RNASEH1: variants seen among roughly 807,000 people sequenced by gnomAD.
The protein encoded by RNASEH1 is ribonuclease H type II.
Under a neutral mutation model 34.6 loss-of-function variants are expected in RNASEH1, and 27 were observed. That is an observed-to-expected ratio of 0.78 (90% CI 0.58 to 1.08). The LOEUF is 1.08. RNASEH1 is among the 50% of genes least tolerant of loss of function. The pLI is 0.00. For missense variants in RNASEH1, 349 were observed against 373.6 expected, an observed-to-expected ratio of 0.93 and a Z score of 0.54; for synonymous variants, 162 against 138.4, an observed-to-expected ratio of 1.17 and a Z score of -1.20.
chr2:3,555,087 G>T (rs1572333941), intron 2 of RNASEH1, among the ~76,000 whole-genome samples: 1 of 152,228 alleles, frequency 6.6e-6, no homozygotes, highest in South Asian at 2.1e-4. Flanking sequence ...AGACTTATAG[G>T]AGGAGCATCA....
chr2:3,548,200 T>C, intron 6 of RNASEH1, 145 bp from the exon 7 acceptor site: 1 of 922,150 alleles, frequency 1.1e-6, no homozygotes, highest in Non-Finnish European at 1.7e-6. Context: ...CTTAGTTGCT[T>C]TGGCCTTTGG....
Position 3,544,367 on chromosome 2 carries a change from G to A in RNASEH1, c.*1418C>T, listed in dbSNP as rs1668552445. On this transcript the variant is annotated 3_prime_UTR_variant, in exon 8 of 8. Transcript: ENST00000315212. ...GTGGTCAGCAAAATCTACACTGTGG[G>A]AAGCCATGGGACAAACAGCCCAGGC... Among the ~76,000 whole-genome samples the A allele has an allele frequency of 6.6e-6, 1 of 152,164 alleles. No homozygotes were observed. The highest frequency in any genetic ancestry group is 2.4e-5 in the African/African-American group (1 of 41,422).
chr2:3,534,751 G>A, the RNASEH1 span, among the ~76,000 whole-genome samples: 1 of 152,248 alleles, frequency 6.6e-6, no homozygotes, highest in Non-Finnish European at 1.5e-5. Flanking sequence ...CAGCGGCCAT[G>A]GAGGTCTCCG....
At position 3,543,232 on chromosome 2, in the gene RNASEH1, G is replaced by A. The variant is rs1378107278; in HGVS notation, c.*2553C>T. Among the ~76,000 whole-genome samples the A allele has an allele frequency of 3.9e-5, 6 of 152,128 alleles. No individual in the cohort carries two copies. The East Asian group carries it at 9.6e-4, about 24-fold the overall frequency. On this transcript the variant is annotated 3_prime_UTR_variant, in exon 8 of 8. Coordinates refer to ENST00000315212, the MANE Select transcript of RNASEH1 (RefSeq NM_002936.6). ...TGTACATGTGTCTTTCCCTTCCTGT[G>A]GCTATAAATAAATACAGCCTGCACA...
chr2:3,540,223 G>A (rs1018903867), downstream of RNASEH1, among the ~76,000 whole-genome samples: 9 of 152,132 alleles, frequency 5.9e-5, no homozygotes, highest in African/African-American at 2.2e-4. Flanking sequence ...AGCTGATGAA[G>A]ATGCAATTAT....
chr2:3,547,519 A>T lies in RNASEH1; in HGVS notation c.774+412T>A, dbSNP rs148150926. On this transcript the variant is annotated intron_variant, in intron 7 of 7. Coordinates refer to ENST00000315212, the MANE Select transcript of RNASEH1 (RefSeq NM_002936.6). ...TTTTGAGACGGGGTCTTGGAGTCTC[A>T]TATCGTTGCTCAGGCTGGAGTGCAG... 7.4e-4 allele frequency among the ~76,000 whole-genome samples: 110 copies of T among 148,948 alleles called. 2 individuals are homozygous for T. The highest frequency in any genetic ancestry group is 5.5e-3 in the Admixed American group (81 of 14,858).
At position 3,541,911 on chromosome 2, in the gene RNASEH1, G is replaced by C. The variant is rs568323123; in HGVS notation, c.*3874C>G. Among the ~76,000 whole-genome samples, 1 of 152,212 alleles carries C rather than the reference G, an allele frequency of 6.6e-6. No homozygotes were observed. Among genetic ancestry groups the C allele is most frequent in the African/African-American group, 2.4e-5 (1 of 41,446 alleles). On this transcript the variant is annotated 3_prime_UTR_variant, in exon 8 of 8. Coordinates refer to ENST00000315212, the MANE Select transcript of RNASEH1 (RefSeq NM_002936.6). ...CTCACACCTGTAATCCCAGCACTTT[G>C]GGAGGCCAAGGAAGGAGGATCGCTT...
chr2:3,536,574 GC>G (rs1667999663), downstream of RNASEH1: 2 of 152,384 alleles, frequency 1.3e-5, no homozygotes, highest in African/African-American at 4.8e-5. Context: ...CTGCTCCGGG[GC>G]TGTCAGCTCC....
At chr2:3,557,093 T>C (rs1391770061) in intron 1 of RNASEH1, among the ~76,000 whole-genome samples, 189 bp from the exon 2 acceptor site, 2 of 152,246 alleles carry the variant, frequency 1.3e-5, no homozygotes, top group African/African-American at 2.4e-5. Context: ...AATGGTGTAT[T>C]TGCAAATAAC....
Position 3,557,812 on chromosome 2 carries a change from C to A in RNASEH1, c.128+321G>T, listed in dbSNP as rs1013467224. ...AGTCTTCTGGTAACGGGGGTTCGTT[C>A]TGATTACGTGTCACTTTTTGTTGCA... On this transcript the variant is annotated intron_variant, in intron 1 of 7. Transcript: ENST00000315212. The A allele has an allele frequency of 5.6e-5, 69 of 1,231,400 alleles. 1 individual carries two copies. Among genetic ancestry groups the A allele is most frequent in the Non-Finnish European group, 6.8e-5 (62 of 907,082 alleles). 76.3% of individuals were successfully genotyped at this position (1,231,400 alleles called of 1,614,324 possible).
At chr2:3,556,155 CAG>C (rs1218703124) in intron 2 of RNASEH1, among the ~76,000 whole-genome samples, 2 of 151,532 alleles carry the variant, frequency 1.3e-5, no homozygotes, top group Non-Finnish European at 2.9e-5. Flanking sequence ...GCCTGCGCAA[CAG>C]AGACTCTGTC....
At chr2:3,536,497 T>G (rs1047928009), downstream of RNASEH1, among the ~76,000 whole-genome samples, 1 of 152,196 alleles carries the variant, frequency 6.6e-6, no homozygotes, top group East Asian at 1.9e-4. Flanking sequence ...CTGCTGAGCC[T>G]GCTTGGGGAA....
At chr2:3,540,850 T>C (rs1221352380), downstream of RNASEH1, among the ~76,000 whole-genome samples, 1 of 152,174 alleles carries the variant, frequency 6.6e-6, no homozygotes, top group Non-Finnish European at 1.5e-5. Context: ...AGCATGCTTT[T>C]TGAATCTTCT....
intron 7 of RNASEH1, among the ~76,000 whole-genome samples, chr2:3,546,137 T>C (rs1558448309): frequency 6.6e-6 from 1 of 152,256 alleles, no homozygotes; most frequent in African/African-American, 2.4e-5. Context: ...CACTTATCAA[T>C]GGGACTTGAT....
Position 3,545,669 on chromosome 2 carries a change from G to A in RNASEH1, c.*116C>T. The A allele has an allele frequency of 1.4e-6, 1 of 715,934 alleles. No homozygotes were observed. The highest frequency in any genetic ancestry group is 1.5e-5 in the South Asian group (1 of 66,432). 44.3% of individuals were successfully genotyped at this position (715,934 alleles called of 1,614,324 possible). A position where few individuals can be genotyped will look rare whatever the true frequency, so the allele number is the denominator to read the frequency against. On this transcript the variant is annotated 3_prime_UTR_variant, in exon 8 of 8. Transcript: ENST00000315212. ...CCACTGTGCCTGATTCCGTGTGAAA[G>A]ACGCATCTGCCCATCACTGCAATGG...
chr2:3,557,721 G>A (rs1660654339), intron 1 of RNASEH1: 5 of 506,438 alleles, frequency 9.9e-6, no homozygotes, highest in South Asian at 6.3e-5. Flanking sequence ...TGGCTTATTA[G>A]AATTTGCCTT....
At chr2:3,548,922 T>A in intron 5 of RNASEH1, 136 bp downstream of exon 5, 3 of 889,968 alleles carry the variant, frequency 3.4e-6, no homozygotes, top group Non-Finnish European at 3.6e-6. Flanking sequence ...AAATTCCTAT[T>A]TTTCAAAATT....
the RNASEH1 span, among the ~76,000 whole-genome samples, chr2:3,534,451 C>T: frequency 2.4e-4 from 37 of 152,370 alleles, no homozygotes; most frequent in Middle Eastern, 0.014. Flanking sequence ...GTAGCACGCC[C>T]TGCTCGCCAA....
At chr2:3,535,970 C>A in the RNASEH1 span, among the ~76,000 whole-genome samples, 2 of 152,232 alleles carry the variant, frequency 1.3e-5, no homozygotes, top group African/African-American at 4.8e-5. Flanking sequence ...GGCGTGAGCA[C>A]TGTCGGTCCC....
Sources: gnomAD v4.1 joint callset for allele counts (sites outside exome capture counted in the v4.1 genomes callset) on GRCh38, gnomAD v4.1.1 for gene constraint, MANE v1.5 for transcripts, NCBI Gene and HGNC (gene_info 2026-07-23, HGNC 2026-07-21) for gene names.